ELP3: variants seen among roughly 807,000 people sequenced by gnomAD.
The protein encoded by ELP3 is elongator complex protein 3.
A neutral mutation model predicts 74.9 loss-of-function variants in ELP3; 56 were observed. That is an observed-to-expected ratio of 0.75 (90% confidence interval 0.60 to 0.93). The LOEUF is 0.93. Among genes scored for constraint, ELP3 ranks in the 40% least tolerant of loss-of-function variants. The pLI, the probability that ELP3 is intolerant of heterozygous loss-of-function variation, is 0.00. For synonymous variants in ELP3, 222 were observed against 239.8 expected (o/e 0.93, Z 0.68); for missense variants, 573 against 686.5 (o/e 0.83, Z 1.85).
At chr8:28,113,783 C>G (rs985313645) in intron 7 of ELP3, 2 of 152,138 alleles carry the variant, frequency 1.3e-5, no homozygotes, top group African/African-American at 4.8e-5. Flanking sequence ...AAAAGCGGAC[C>G]AATTCACCCT....
upstream of ELP3, among the ~76,000 whole-genome samples, chr8:28,091,902 T>C (rs915039634): frequency 1.3e-5 from 2 of 152,152 alleles, no homozygotes; most frequent in Non-Finnish European, 2.9e-5. Flanking sequence ...GGAACAACTA[T>C]GCATTCATTT....
intron 9 of ELP3, among the ~76,000 whole-genome samples, chr8:28,133,952 GATT>G (rs369737577): frequency 1.5e-4 from 22 of 151,520 alleles, no homozygotes; most frequent in African/African-American, 3.1e-4. Flanking sequence ...TTATTATCAT[GATT>G]ATTATTATTA....
chr8:28,106,608 C>T, intron 3 of ELP3, 105 bp from the exon 4 acceptor site: 2 of 754,952 alleles, frequency 2.6e-6, no homozygotes, highest in Admixed American at 2.6e-5. Flanking sequence ...CCCTTTTTGC[C>T]ACTCTCTGGT....
At position 28,108,115 on chromosome 8, in the gene ELP3, A is replaced by C. The variant is rs1041189758; in HGVS notation, c.393+139A>C. On this transcript the variant is annotated intron_variant, in intron 5 of 14. Coordinates refer to ENST00000256398, the MANE Select transcript of ELP3 (RefSeq NM_018091.6). ...TGATTTTAAAAGCTGTTCATTCACCAAATATTTGCCAGTGTCTACTAGTGC... is the reference window on the plus strand; with the variant it reads ...TGATTTTAAAAGCTGTTCATTCACCCAATATTTGCCAGTGTCTACTAGTGC... The C allele has an allele frequency of 1.5e-5, 10 of 672,786 alleles. No homozygotes were observed. The African/African-American group carries it at 1.8e-4, about 12-fold the overall frequency. The allele number at this position is 672,786 out of a possible 1,614,324, so 41.7% of individuals were successfully genotyped here.
chr8:28,158,804 C>T (rs1281926639), intron 12 of ELP3, among the ~76,000 whole-genome samples, 171 bp downstream of exon 12: 1 of 152,108 alleles, frequency 6.6e-6, no homozygotes, highest in African/African-American at 2.4e-5. Flanking sequence ...TACAAGAATT[C>T]TAGAAGAGCC....
At chr8:28,100,983 G>A (rs1385470579) in intron 3 of ELP3, among the ~76,000 whole-genome samples, 1 of 152,128 alleles carries the variant, frequency 6.6e-6, no homozygotes, top group African/African-American at 2.4e-5. Context: ...GTGTTGACTT[G>A]GTGACCATAT....
chr8:28,092,131 G>A (rs183124208), upstream of ELP3, among the ~76,000 whole-genome samples: 13 of 152,262 alleles, frequency 8.5e-5, no homozygotes, highest in East Asian at 2.5e-3. Flanking sequence ...ACTCCTCTGG[G>A]AGGCCACCTA....
intron 7 of ELP3, among the ~76,000 whole-genome samples, chr8:28,124,304 T>A (rs1430235375): frequency 6.6e-6 from 1 of 152,166 alleles, no homozygotes; most frequent in Non-Finnish European, 1.5e-5. Flanking sequence ...GGAGACATAG[T>A]CTCCAGACTT....
chr8:28,160,110 A>C, intron 12 of ELP3, 119 bp from the exon 13 acceptor site: 1 of 860,118 alleles, frequency 1.2e-6, no homozygotes, highest in South Asian at 1.8e-5. Context: ...AAACATAATT[A>C]GTGATTATTC....
At chr8:28,106,970 C>T (rs559812425) in intron 4 of ELP3, among the ~76,000 whole-genome samples, 187 bp downstream of exon 4, 2 of 152,204 alleles carry the variant, frequency 1.3e-5, no homozygotes, top group African/African-American at 2.4e-5. Context: ...TATATAAGGC[C>T]GGGCAAAGTG....
chr8:28,099,970 A>G lies in ELP3; in HGVS notation c.258+4A>G. 6.2e-7 allele frequency: 1 copy of G among 1,614,102 alleles called. No individual in the cohort carries two copies. The highest frequency in any genetic ancestry group is 8.5e-7 in the Non-Finnish European group (1 of 1,180,008). ...ACCCATCAGAACTGCTAGTGGGGTGAGTGATTCGACTCATGAGGTATCGAC... is the reference window on the plus strand; with the variant it reads ...ACCCATCAGAACTGCTAGTGGGGTGGGTGATTCGACTCATGAGGTATCGAC... On this transcript the variant is annotated splice_donor_region_variant and intron_variant, in intron 3 of 14. Coordinates refer to ENST00000256398, the MANE Select transcript of ELP3 (RefSeq NM_018091.6).
intron 10 of ELP3, 95 bp from the exon 11 acceptor site, chr8:28,155,846 AT>A: frequency 9.4e-7 from 1 of 1,060,140 alleles, no homozygotes; most frequent in East Asian, 2.6e-5. Flanking sequence ...TTGCTTTTTT[AT>A]TTTTGTTCTT....
At chr8:28,115,399 C>T (rs1812088324) in intron 7 of ELP3, among the ~76,000 whole-genome samples, 1 of 152,074 alleles carries the variant, frequency 6.6e-6, no homozygotes. Context: ...TGTGTTCATG[C>T]ACATACACAC....
chr8:28,170,907 A>AT (rs199572075), intron 14 of ELP3, among the ~76,000 whole-genome samples: 1,932 of 151,748 alleles, frequency 0.013, 17 homozygotes, highest in Non-Finnish European at 0.019. Context: ...CCTCTAATCT[A>AT]TTTTCTGTCT....
In ELP3 at chr8:28,132,345, G is replaced by C. The variant is rs772135398; in HGVS notation, c.847G>C (p.Ala283Pro). Residue 283 changes from alanine to proline, a missense_variant, in exon 9 of 15, where the codon GCC (alanine) becomes CCC (proline). Transcript: ENST00000256398. ...LAKDSGFKVVAHMMPDLPNVG... is the reference protein window; with the variant it reads ...LAKDSGFKVVPHMMPDLPNVG... ...CAAAGATTCCGGTTTTAAAGTGGTG[G>C]CCCATATGATGCCTGACCTGCCAAA... 2.5e-6 allele frequency: 4 copies of C among 1,614,002 alleles called. No homozygotes were observed. Among genetic ancestry groups the C allele is most frequent in the African/African-American group, 1.3e-5 (1 of 74,898 alleles).
rs975518217 is a variant in ELP3, at chr8:28,160,286, T to C, written c.1315T>C (p.Tyr439His). ...ANGGWETFLSYEDPDQDILIG... is the reference protein window; with the variant it reads ...ANGGWETFLSHEDPDQDILIG... ...TGGTGGCTGGGAAACATTCTTGTCATACGAAGACCCAGATCAAGACATTTT... is the reference window on the plus strand; with the variant it reads ...TGGTGGCTGGGAAACATTCTTGTCACACGAAGACCCAGATCAAGACATTTT... Residue 439 changes from tyrosine to histidine, a missense_variant, in exon 13 of 15, where the codon TAC becomes CAC. Tyr to His is a moderately conservative substitution (Grantham distance 83). Transcript: ENST00000256398. The C allele has an allele frequency of 1.2e-6, 2 of 1,614,200 alleles. No individual in the cohort carries two copies. Among genetic ancestry groups the C allele is most frequent in the African/African-American group, 2.7e-5 (2 of 75,058 alleles).
chr8:28,093,194 C>G lies in ELP3; in HGVS notation c.-21C>G. The G allele has an allele frequency of 1.2e-6, 2 of 1,612,482 alleles. No homozygotes were observed. The highest frequency in any genetic ancestry group is 1.7e-6 in the Non-Finnish European group (2 of 1,179,744). ...GTGGCTGCATTTTTATCTCTGGTGG[C>G]TCTGCTACGGCGGCGCAGAAATGAG... On this transcript the variant is annotated 5_prime_UTR_variant, in exon 1 of 15. Coordinates refer to ENST00000256398, the MANE Select transcript of ELP3 (RefSeq NM_018091.6).
At chr8:28,123,680 G>A (rs1812458765) in intron 7 of ELP3, among the ~76,000 whole-genome samples, 1 of 152,170 alleles carries the variant, frequency 6.6e-6, no homozygotes, top group African/African-American at 2.4e-5. Flanking sequence ...AATGTATTTT[G>A]TAAATCTGTT....
rs1318706384 is a variant in ELP3 at position 28,147,176 on chromosome 8, C to T, written c.1101-8766C>T. Among the ~76,000 whole-genome samples the T allele has an allele frequency of 2.0e-5, 3 of 152,200 alleles. No individual in the cohort carries two copies. Among genetic ancestry groups the T allele is most frequent in the Non-Finnish European group, 4.4e-5 (3 of 68,024 alleles). On this transcript the variant is annotated intron_variant, in intron 10 of 14. Transcript: ENST00000256398. This position sits in a 1 kb window ranked among gnomAD's most constrained non-coding sequence, Gnocchi z 4.5. ...ACCAACACTGTATGTAAAACCTTCC[C>T]TAGAGAGTTTACGTCTATTGAAATT...
Sources: gnomAD v4.1 joint callset for allele counts (sites outside exome capture counted in the v4.1 genomes callset) on GRCh38, gnomAD v4.1.1 for gene constraint, Gnocchi (gnomAD v3.1) non-coding constraint, MANE v1.5 for transcripts, NCBI Gene and HGNC (gene_info 2026-07-23, HGNC 2026-07-21) for gene names.